CCDC88A: variants seen among roughly 807,000 people sequenced by gnomAD.
CCDC88A encodes coiled-coil and HOOK domain protein 88A.
CCDC88A carries 54 observed loss-of-function variants against 234.3 expected under a neutral mutation model. That is an observed-to-expected ratio of 0.23 (90% CI 0.19 to 0.29). The LOEUF (loss-of-function observed/expected upper bound fraction) is 0.29. Ranked by LOEUF, CCDC88A falls within the 10% of genes least tolerant of loss-of-function variation. The pLI is 1.00. For synonymous variants in CCDC88A, 753 were observed against 737.8 expected, an observed-to-expected ratio of 1.02 and a Z score of -0.33; for missense variants, 1,832 against 2,123.4, an observed-to-expected ratio of 0.86 and a Z score of 2.70.
intron 2 of CCDC88A, among the ~76,000 whole-genome samples, chr2:55,402,094 T>C (rs1020612753): frequency 5.9e-5 from 9 of 152,130 alleles, no homozygotes; most frequent in Non-Finnish European, 1.2e-4. Context: ...TTTAAAATTA[T>C]TGCAGACTCC....
chr2:55,314,250 CA>C (rs1279506396), intron 22 of CCDC88A: 1 of 152,264 alleles, frequency 6.6e-6, no homozygotes, highest in Non-Finnish European at 1.5e-5. Context: ...GCCCATACAT[CA>C]GTGAGTAGAT....
Position 55,328,315 on chromosome 2 carries a change from T to C in CCDC88A, c.2976A>G (p.Gln992=), listed in dbSNP as rs145004924. ...RLEESTNYNQ[Q]LRQELKTVKK... ...TTACTGTTTTAAGTTCTTGGCGCAA[T>C]TGCTGGTTATAATTCGTGGATTCTT... is the stretch of plus-strand genomic sequence containing the variant. Residue 992 remains glutamine (Q), a synonymous_variant, in exon 17 of 33, where the codon CAA becomes CAG. Transcript: ENST00000436346. This position sits in a 1 kb window ranked among gnomAD's most constrained non-coding sequence, Gnocchi z 4.3. 414 of 1,594,526 alleles carry C rather than the reference T, an allele frequency of 2.6e-4. 2 individuals are homozygous for C. The highest frequency in any genetic ancestry group is 1.5e-3 in the South Asian group (131 of 85,726).
At chr2:55,395,295 A>C (rs2867174) in intron 2 of CCDC88A, among the ~76,000 whole-genome samples, 45,773 of 152,110 alleles carry the variant, frequency 0.3, 7,285 homozygotes, top group East Asian at 0.54. Flanking sequence ...AATTTTTCCT[A>C]CATCTACTCC....
chr2:55,371,130 C>T (rs1009918807), intron 5 of CCDC88A, among the ~76,000 whole-genome samples: 3 of 152,100 alleles, frequency 2.0e-5, no homozygotes, highest in African/African-American at 4.8e-5. Flanking sequence ...TCTAAATTTA[C>T]GCAACATTCA....
intron 25 of CCDC88A, 22 bp from the exon 26 acceptor site, chr2:55,303,174 A>G (rs1306172541): frequency 7.0e-7 from 1 of 1,437,964 alleles, no homozygotes; most frequent in South Asian, 1.2e-5. Flanking sequence ...GAGCATGAGG[A>G]AAAACAGAAA....
In CCDC88A at chr2:55,388,858, T is replaced by C. The variant is rs749501647; in HGVS notation, c.193A>G (p.Asn65Asp). 5 of 1,495,732 alleles carry C rather than the reference T, an allele frequency of 3.3e-6. No homozygotes were observed. The Admixed American group carries it at 7.5e-5, about 23-fold the overall frequency. 92.7% of individuals were successfully genotyped at this position (1,495,732 alleles called of 1,614,324 possible). The stretch of plus-strand genomic sequence containing the variant: ...GAGGCATCATTATTGACTTTTTTAT[T>C]TACTCTCTGACTCTCCAATTTAGGA... Reference protein sequence around the residue: ...INPKLESQRVNKKVNNDASLR... With the variant: ...INPKLESQRVDKKVNNDASLR... The change falls in exon 3 of 33, where the codon AAT becomes GAT. Residue 65 changes from asparagine to aspartate, a missense_variant. Around this residue, in one of 6 missense-constraint regions of CCDC88A, gnomAD observed 84 missense variants for 80.9 expected, o/e 1.04. Coordinates refer to ENST00000436346, the MANE Select transcript of CCDC88A (RefSeq NM_001365480.1).
intron 16 of CCDC88A, chr2:55,329,198 C>T (rs1684633890): frequency 6.6e-6 from 1 of 152,134 alleles, no homozygotes; most frequent in East Asian, 1.9e-4. Flanking sequence ...AATTATCTTT[C>T]TGAATGGTAG....
intron 31 of CCDC88A, 88 bp from the exon 32 acceptor site, chr2:55,291,863 G>T: frequency 1.1e-6 from 1 of 947,902 alleles, no homozygotes; most frequent in South Asian, 1.5e-5. Flanking sequence ...CACTGAGTAG[G>T]GCAAGGAGAA....
At chr2:55,325,648 G>C (rs1364208443) in intron 17 of CCDC88A, among the ~76,000 whole-genome samples, 1 of 152,142 alleles carries the variant, frequency 6.6e-6, no homozygotes, top group Non-Finnish European at 1.5e-5. Context: ...GTTTATAGAA[G>C]CCCTTTATCT....
intron 3 of CCDC88A, among the ~76,000 whole-genome samples, chr2:55,376,586 A>G (rs1482471736): frequency 6.6e-6 from 1 of 152,178 alleles, no homozygotes; most frequent in Non-Finnish European, 1.5e-5. Flanking sequence ...TTTCCTCAGT[A>G]TTATATTAGC....
At chr2:55,407,719 A>AT (rs750235181) in intron 2 of CCDC88A, among the ~76,000 whole-genome samples, 8,533 of 138,470 alleles carry the variant, frequency 0.062, 815 homozygotes, top group African/African-American at 0.19. Flanking sequence ...TTCTAGTTTA[A>AT]TTTTTTTTTT....
intron 5 of CCDC88A, among the ~76,000 whole-genome samples, chr2:55,368,409 A>C (rs890209439): frequency 6.6e-6 from 1 of 152,038 alleles, no homozygotes; most frequent in African/African-American, 2.4e-5. Context: ...AAAAGAAGAA[A>C]ACATTTTTCA....
chr2:55,336,845 T>C (rs1226938862), intron 13 of CCDC88A, 27 bp from the exon 14 acceptor site: 1 of 1,441,138 alleles, frequency 6.9e-7, no homozygotes, highest in Non-Finnish European at 9.6e-7. Flanking sequence ...CACAAAACAA[T>C]ACGTTAAATA....
At chr2:55,325,473 G>A (rs1227510753) in intron 17 of CCDC88A, among the ~76,000 whole-genome samples, 2 of 152,194 alleles carry the variant, frequency 1.3e-5, no homozygotes, top group African/African-American at 4.8e-5. Context: ...TGTCACAGGT[G>A]AAGAAAGACA....
chr2:55,376,535 A>C (rs1206630638), intron 3 of CCDC88A, among the ~76,000 whole-genome samples: 2 of 152,164 alleles, frequency 1.3e-5, no homozygotes, highest in African/African-American at 2.4e-5. Flanking sequence ...TCTCTTATCT[A>C]TAATTCTTTA....
intron 2 of CCDC88A, among the ~76,000 whole-genome samples, chr2:55,389,778 C>G (rs984547899): frequency 6.6e-6 from 1 of 152,002 alleles, no homozygotes; most frequent in African/African-American, 2.4e-5. Context: ...CGGTGACTCA[C>G]GCCTATAATC....
intron 14 of CCDC88A, among the ~76,000 whole-genome samples, chr2:55,336,002 G>A (rs1440410336): frequency 1.3e-5 from 2 of 151,926 alleles, no homozygotes; most frequent in Admixed American, 1.3e-4. Flanking sequence ...AGACCAGCCT[G>A]GGGAGCATAG....
chr2:55,367,528 G>GTTTTTTTTTTTTTTTTTTTTTTTTTTTTT, intron 5 of CCDC88A, among the ~76,000 whole-genome samples: 1,272 of 99,598 alleles, frequency 0.013, 133 homozygotes, highest in Non-Finnish European at 0.015. Flanking sequence ...TTATTTCCTT[G>GTTTTTTTTTTTTTTTTTTTTTTTTTTTTT]TTTTTTTTTA....
intron 8 of CCDC88A, among the ~76,000 whole-genome samples, chr2:55,351,215 T>C (rs1280756047): frequency 6.6e-6 from 1 of 152,208 alleles, no homozygotes; most frequent in East Asian, 1.9e-4. Context: ...GGACTACAAG[T>C]GCACACTGCT....
Sources: gnomAD v4.1 joint callset for allele counts (sites outside exome capture counted in the v4.1 genomes callset) on GRCh38, gnomAD v4.1.1 for gene constraint, gnomAD v4.1.1 regional missense constraint, Gnocchi (gnomAD v3.1) non-coding constraint, MANE v1.5 for transcripts, NCBI Gene and HGNC (gene_info 2026-07-23, HGNC 2026-07-21) for gene names.